The following XKR6 variants were observed in gnomAD, a reference collection of about 807,000 sequenced individuals.
XKR6 encodes XK related 6.
In XKR6, 22 loss-of-function variants were observed where a neutral mutation model predicts 56.7. That is an observed-to-expected ratio of 0.39 (90% CI 0.28 to 0.55). The LOEUF (loss-of-function observed/expected upper bound fraction) is 0.55, where lower values mean the gene tolerates loss of function less well. Ranked by LOEUF, XKR6 falls within the 20% of genes least tolerant of loss-of-function variation. The pLI is 0.66. For missense variants in XKR6, 852 were observed against 889.0 expected, an observed-to-expected ratio of 0.96 and a Z score of 0.53; for synonymous variants, 524 against 387.8, an observed-to-expected ratio of 1.35 and a Z score of -4.13.
At chr8:11,078,806 C>T (rs552115067) in intron 1 of XKR6, among the ~76,000 whole-genome samples, 1 of 152,304 alleles carries the variant, frequency 6.6e-6, no homozygotes, top group Admixed American at 6.5e-5. Flanking sequence ...CCCCACAGGC[C>T]TCCAGTCTCA....
At chr8:11,161,827 A>C (rs879747361) in intron 1 of XKR6, among the ~76,000 whole-genome samples, 1 of 152,160 alleles carries the variant, frequency 6.6e-6, no homozygotes, top group African/African-American at 2.4e-5. Context: ...GGTACCTGCA[A>C]CTCAAAATTC....
chr8:11,151,764 C>G (rs1423515814), intron 1 of XKR6, among the ~76,000 whole-genome samples: 1 of 151,988 alleles, frequency 6.6e-6, no homozygotes, highest in Admixed American at 6.6e-5. Context: ...GCCTTACATC[C>G]CCCCGCTCCG....
intron 1 of XKR6, among the ~76,000 whole-genome samples, chr8:10,943,967 C>T (rs867187726): frequency 2.6e-5 from 4 of 152,148 alleles, no homozygotes; most frequent in South Asian, 4.1e-4. Flanking sequence ...TGGTGCTTGC[C>T]TCTGTTTCCC....
rs1491394669 is a variant in XKR6, at chr8:10,984,695, G to GCTCGCTCTCTCTCTCT, written c.765-59866_765-59865insAGAGAGAGAGAGCGAG. On this transcript the variant is annotated intron_variant, in intron 1 of 2. Transcript: ENST00000416569. The stretch of plus-strand genomic sequence containing the variant: ...AGTAACACAAAAGATAAAATACATG[G>GCTCGCTCTCTCTCTCT]CTCTCTCTCTCTCTCTCTCTCTCTC... Among the ~76,000 whole-genome samples, 33 of 56,328 alleles carry GCTCGCTCTCTCTCTCT rather than the reference G, an allele frequency of 5.9e-4. 3 individuals are homozygous for GCTCGCTCTCTCTCTCT. The highest frequency in any genetic ancestry group is 1.5e-3 in the South Asian group (2 of 1,302). 37.0% of individuals were successfully genotyped at this position (56,328 alleles called of 152,430 possible).
chr8:10,998,938 GA>G (rs1798176607), intron 1 of XKR6, among the ~76,000 whole-genome samples: 2 of 152,194 alleles, frequency 1.3e-5, no homozygotes, highest in South Asian at 4.1e-4. Flanking sequence ...TGTAGCCTGA[GA>G]ATCAAACCCC....
chr8:10,968,701 G>A (rs1260238469), intron 1 of XKR6, among the ~76,000 whole-genome samples: 13 of 152,234 alleles, frequency 8.5e-5, no homozygotes. Flanking sequence ...ACCACCAGGA[G>A]GAGAAAGAGA....
At chr8:10,902,500 C>G (rs1038958133) in intron 2 of XKR6, among the ~76,000 whole-genome samples, 1 of 152,174 alleles carries the variant, frequency 6.6e-6, no homozygotes. Context: ...ACTCTCCATC[C>G]TTTCTCCGTC....
intron 1 of XKR6, among the ~76,000 whole-genome samples, chr8:10,972,169 G>A (rs1035946710): frequency 2.6e-5 from 4 of 152,196 alleles, no homozygotes; most frequent in South Asian, 2.1e-4. Flanking sequence ...CTGGGGCCTC[G>A]GGGTGACCTC....
chr8:11,179,230 A>C (rs1236735128), intron 1 of XKR6, among the ~76,000 whole-genome samples: 1 of 152,098 alleles, frequency 6.6e-6, no homozygotes, highest in African/African-American at 2.4e-5. Context: ...AAAAAGAACA[A>C]GCATCTGGCT....
intron 1 of XKR6, among the ~76,000 whole-genome samples, chr8:11,123,229 T>C (rs1162502049): frequency 2.9e-5 from 4 of 135,776 alleles, no homozygotes; most frequent in Non-Finnish European, 6.1e-5. Context: ...AGAGTGACTC[T>C]GTGTAGAAGG....
At chr8:11,103,962 G>C (rs1586549187) in intron 1 of XKR6, among the ~76,000 whole-genome samples, 1 of 152,150 alleles carries the variant, frequency 6.6e-6, no homozygotes, top group Non-Finnish European at 1.5e-5. Flanking sequence ...TCGTACCCTT[G>C]GGAGGAGATG....
chr8:10,989,393 C>G (rs899692331), intron 1 of XKR6, among the ~76,000 whole-genome samples: 5 of 152,158 alleles, frequency 3.3e-5, no homozygotes, highest in African/African-American at 1.2e-4. Flanking sequence ...TTAACTAAAA[C>G]TTAACTAGCC....
At chr8:11,154,766 T>A (rs1055111092) in intron 1 of XKR6, among the ~76,000 whole-genome samples, 3 of 152,238 alleles carry the variant, frequency 2.0e-5, no homozygotes, top group African/African-American at 7.2e-5. Context: ...TCTCTGCCTA[T>A]AAACAGGGTC....
intron 1 of XKR6, among the ~76,000 whole-genome samples, chr8:11,054,404 T>A (rs1477255994): frequency 6.6e-6 from 1 of 152,240 alleles, no homozygotes; most frequent in South Asian, 2.1e-4. Context: ...AATCTGTCCA[T>A]GTACCGGTGT....
chr8:10,951,907 G>C (rs1801736021), intron 1 of XKR6, among the ~76,000 whole-genome samples: 1 of 152,192 alleles, frequency 6.6e-6, no homozygotes, highest in South Asian at 2.1e-4. Flanking sequence ...CCTGCAGAAG[G>C]GCTGGGCTGA....
chr8:11,161,764 T>C (rs1731763162), intron 1 of XKR6, among the ~76,000 whole-genome samples: 1 of 152,120 alleles, frequency 6.6e-6, no homozygotes, highest in South Asian at 2.1e-4. Context: ...ATTGGTATTT[T>C]AATATTTAAT....
chr8:11,071,433 G>A (rs1055202069), intron 1 of XKR6, among the ~76,000 whole-genome samples: 3 of 150,486 alleles, frequency 2.0e-5, no homozygotes, highest in African/African-American at 4.9e-5. Context: ...TAGAGACAGG[G>A]TTTCATACAA....
chr8:10,993,259 C>G (rs1416645812), intron 1 of XKR6, among the ~76,000 whole-genome samples: 1 of 152,216 alleles, frequency 6.6e-6, no homozygotes, highest in Non-Finnish European at 1.5e-5. Flanking sequence ...ATGCCTCTTA[C>G]CAATCCATCC....
At chr8:11,109,210 TATTTCTAGGAA>T (rs1798797373) in intron 1 of XKR6, 1 of 152,248 alleles carries the variant, frequency 6.6e-6, no homozygotes, top group Non-Finnish European at 1.5e-5. Context: ...AGATGTGTTC[TATTTCTAGGAA>T]GTTTCTAGGA....
Sources: gnomAD v4.1 joint callset for allele counts (sites outside exome capture counted in the v4.1 genomes callset) on GRCh38, gnomAD v4.1.1 for gene constraint, MANE v1.5 for transcripts, NCBI Gene and HGNC (gene_info 2026-07-23, HGNC 2026-07-21) for gene names.